TRIO: variants seen among roughly 807,000 people sequenced by gnomAD.
The protein encoded by TRIO is triple functional domain protein.
In TRIO, 58 loss-of-function variants were observed where a neutral mutation model predicts 351.9. That is an observed-to-expected ratio of 0.16 (90% CI 0.13 to 0.21). TRIO has a LOEUF of 0.21. TRIO is among the 10% of genes least tolerant of loss of function. TRIO has a pLI of 1.00. For synonymous variants in TRIO, 1,758 were observed against 1,595.7 expected, an observed-to-expected ratio of 1.10 and a Z score of -2.42; for missense variants, 3,201 against 4,027.8, an observed-to-expected ratio of 0.79 and a Z score of 5.56.
chr5:14,331,043 G>GT (rs1491234152), intron 10 of TRIO, 143 bp downstream of exon 10: 1 of 1,242,324 alleles, frequency 8.0e-7, no homozygotes, highest in African/African-American at 1.5e-5. Context: ...CGATTTCAGA[G>GT]TGAAGTTGTC....
At chr5:14,254,932 G>T (rs1170074061) in intron 1 of TRIO, among the ~76,000 whole-genome samples, 1 of 152,174 alleles carries the variant, frequency 6.6e-6, no homozygotes, top group Non-Finnish European at 1.5e-5. Context: ...GAGGAATTCA[G>T]TTGAGACATA....
In TRIO at chr5:14,507,962, C is replaced by T. The variant is rs574639687; in HGVS notation, c.8834C>T (p.Thr2945Met). Residue 2945 changes from threonine to methionine, a missense_variant, in exon 57 of 57, where the codon ACG (threonine) becomes ATG (methionine). By Grantham distance (81) the Thr-to-Met change is moderately conservative. Coordinates refer to ENST00000344204, the MANE Select transcript of TRIO (RefSeq NM_007118.4). ...ADFGDAVQLNTTYYIHQLLGN... is the reference protein window; with the variant it reads ...ADFGDAVQLNMTYYIHQLLGN... ...TTTGGAGATGCTGTTCAGCTCAACACGACCTACTACATCCACCAGTTACTG... is the reference window on the plus strand; with the variant it reads ...TTTGGAGATGCTGTTCAGCTCAACATGACCTACTACATCCACCAGTTACTG... 54 of 1,614,222 alleles carry T rather than the reference C, an allele frequency of 3.3e-5. No individual in the cohort carries two copies. The highest frequency in any genetic ancestry group is 3.8e-5 in the Non-Finnish European group (45 of 1,180,042).
intron 34 of TRIO, among the ~76,000 whole-genome samples, chr5:14,457,375 C>CG (rs1753411981): frequency 4.5e-5 from 2 of 44,740 alleles, no homozygotes; most frequent in African/African-American, 1.2e-4. Flanking sequence ...CCCTGACCTC[C>CG]CCCCCCCCCC....
intron 11 of TRIO, among the ~76,000 whole-genome samples, chr5:14,352,801 G>A (rs114118570): frequency 0.057 from 8,687 of 152,102 alleles, 295 homozygotes; most frequent in African/African-American, 0.087. Context: ...CAGTACCCGC[G>A]CTGGTTTCAC....
intron 9 of TRIO, among the ~76,000 whole-genome samples, chr5:14,322,777 A>AC (rs1169455406): frequency 2.0e-5 from 3 of 152,134 alleles, no homozygotes; most frequent in Non-Finnish European, 4.4e-5. Context: ...ACACTCCAGC[A>AC]CTCGCAGTTT....
rs952203095 is a variant in TRIO, at chr5:14,286,580, G to T, written c.348-291G>T. On this transcript the variant is annotated intron_variant, in intron 3 of 56. Coordinates refer to ENST00000344204, the MANE Select transcript of TRIO (RefSeq NM_007118.4). The surrounding 1 kb of genome is among the most constrained non-coding windows in gnomAD (Gnocchi z 4.4). ...AATGCACCAAAGTCAGGAGAAATGG[G>T]CATGGTGACCGTTGTTTTCCTGAAA... 6.6e-6 allele frequency among the ~76,000 whole-genome samples: 1 copy of T among 152,198 alleles called. No homozygotes were observed. The highest frequency in any genetic ancestry group is 2.4e-5 in the African/African-American group (1 of 41,456).
At chr5:14,210,294 G>A (rs1791802677) in intron 1 of TRIO, among the ~76,000 whole-genome samples, 1 of 152,226 alleles carries the variant, frequency 6.6e-6, no homozygotes, top group African/African-American at 2.4e-5. Flanking sequence ...CAGAGTCTAG[G>A]GAAGCTTTGG....
intron 1 of TRIO, among the ~76,000 whole-genome samples, chr5:14,213,521 C>G (rs966959680): frequency 6.6e-6 from 1 of 152,116 alleles, no homozygotes; most frequent in East Asian, 1.9e-4. Flanking sequence ...GCCAAGGACA[C>G]CTTTACTATC....
At chr5:14,171,014 T>G (rs961114223) in intron 1 of TRIO, among the ~76,000 whole-genome samples, 2 of 152,206 alleles carry the variant, frequency 1.3e-5, no homozygotes, top group Admixed American at 6.5e-5. Context: ...TGACTCTGTT[T>G]TAGCATTCCA....
At chr5:14,504,169 A>G (rs2126707528) in intron 54 of TRIO, among the ~76,000 whole-genome samples, 1 of 152,332 alleles carries the variant, frequency 6.6e-6, no homozygotes, top group East Asian at 1.9e-4. Context: ...GAGGAGACCA[A>G]GGCTGCCTGG....
intron 42 of TRIO, 74 bp from the exon 43 acceptor site, chr5:14,479,845 G>T: frequency 1.5e-6 from 2 of 1,355,566 alleles, no homozygotes; most frequent in East Asian, 2.3e-5. Flanking sequence ...TAGTCTTTCT[G>T]ACAATTACAA....
intron 1 of TRIO, among the ~76,000 whole-genome samples, chr5:14,210,023 G>A (rs1397733474): frequency 6.6e-6 from 1 of 152,202 alleles, no homozygotes; most frequent in Non-Finnish European, 1.5e-5. Flanking sequence ...GTGGGGTCCT[G>A]GTGCCGTGGG....
chr5:14,371,222 T>A (rs1269060114), intron 18 of TRIO, among the ~76,000 whole-genome samples: 1 of 152,264 alleles, frequency 6.6e-6, no homozygotes, highest in Non-Finnish European at 1.5e-5. Context: ...AAACTCATTT[T>A]TGACTTACGA....
At chr5:14,318,273 C>CT (rs111424524) in intron 9 of TRIO, among the ~76,000 whole-genome samples, 6,317 of 92,520 alleles carry the variant, frequency 0.068, 302 homozygotes, top group African/African-American at 0.14. Context: ...CAGCAAGACT[C>CT]TATCTCAAAA....
intron 40 of TRIO, among the ~76,000 whole-genome samples, chr5:14,475,164 T>C (rs1754967610): frequency 6.6e-6 from 1 of 152,156 alleles, no homozygotes; most frequent in Non-Finnish European, 1.5e-5. Flanking sequence ...ACTTTAAAAA[T>C]CCTTAATCAT....
chr5:14,479,397 C>T (rs1352046384), intron 42 of TRIO, 47 bp downstream of exon 42: 7 of 1,501,448 alleles, frequency 4.7e-6, no homozygotes, highest in South Asian at 3.6e-5. Context: ...TCTTTTGTTC[C>T]AACTTATTTC....
chr5:14,250,479 C>T (rs1184128212), intron 1 of TRIO, among the ~76,000 whole-genome samples: 3 of 152,164 alleles, frequency 2.0e-5, no homozygotes, highest in East Asian at 1.9e-4. Flanking sequence ...TCTTGTACAG[C>T]GCTATGGAGC....
intron 2 of TRIO, among the ~76,000 whole-genome samples, chr5:14,271,762 G>C (rs1170009245): frequency 6.6e-6 from 1 of 152,204 alleles, no homozygotes; most frequent in Non-Finnish European, 1.5e-5. Flanking sequence ...GTGCTGATCT[G>C]TGTATCCTCT....
At position 14,309,256 on chromosome 5, in the gene TRIO, A is replaced by G. The variant is rs577659618; in HGVS notation, c.1500+4664A>G. Among the ~76,000 whole-genome samples the G allele has an allele frequency of 6.6e-5, 10 of 152,208 alleles. No individual in the cohort carries two copies. The South Asian group carries it at 2.1e-3, about 32-fold the overall frequency. ...TTTGTTAATCTATTCTCAGGCAGCAAGAAACCTGGCTTCTATTTTCCTTAA... is the reference window on the plus strand; with the variant it reads ...TTTGTTAATCTATTCTCAGGCAGCAGGAAACCTGGCTTCTATTTTCCTTAA... On this transcript the variant is annotated intron_variant, in intron 8 of 56. Coordinates refer to ENST00000344204, the MANE Select transcript of TRIO (RefSeq NM_007118.4).
Sources: allele counts gnomAD v4.1 joint callset (sites outside exome capture counted in the v4.1 genomes callset), GRCh38; gene constraint gnomAD v4.1.1; non-coding constraint Gnocchi (gnomAD v3.1); transcripts MANE v1.5; gene names NCBI Gene and HGNC (gene_info 2026-07-23, HGNC 2026-07-21).